ADARB2: variants seen among roughly 807,000 people sequenced by gnomAD.
The protein encoded by ADARB2 is adenosine deaminase RNA specific B2 (inactive).
Under a neutral mutation model 62.2 loss-of-function variants are expected in ADARB2, and 25 were observed. That is an observed-to-expected ratio of 0.40 (90% confidence interval 0.29 to 0.56). ADARB2 has a LOEUF of 0.56. ADARB2 is among the 20% of genes least tolerant of loss of function. The probability of loss-of-function intolerance (pLI) is 0.43; values close to 1 mark genes in which losing one functional copy is unlikely to be tolerated. For synonymous variants in ADARB2, 572 were observed against 500.8 expected, an observed-to-expected ratio of 1.14 and a Z score of -1.90; for missense variants, 1,071 against 1,077.4, an observed-to-expected ratio of 0.99 and a Z score of 0.08.
chr10:1,640,546 GC>G (rs1243867381), intron 1 of ADARB2, among the ~76,000 whole-genome samples: 18 of 152,108 alleles, frequency 1.2e-4, no homozygotes, highest in African/African-American at 4.1e-4. Context: ...AATGGCGGAT[GC>G]TCTAAACTAA....
intron 7 of ADARB2, among the ~76,000 whole-genome samples, chr10:1,213,705 T>C (rs1279076298): frequency 2.6e-5 from 4 of 152,230 alleles, no homozygotes; most frequent in Non-Finnish European, 5.9e-5. Flanking sequence ...AAAAGGAGTC[T>C]AGAATCACCC....
chr10:1,501,806 C>CT (rs572918181), intron 1 of ADARB2, among the ~76,000 whole-genome samples: 1 of 152,114 alleles, frequency 6.6e-6, no homozygotes, highest in Non-Finnish European at 1.5e-5. Context: ...AAACAGAATT[C>CT]TTTTTTTATT....
At chr10:1,553,137 C>T (rs1251388825) in intron 1 of ADARB2, among the ~76,000 whole-genome samples, 1 of 152,216 alleles carries the variant, frequency 6.6e-6, no homozygotes, top group African/African-American at 2.4e-5. Flanking sequence ...TGCTACCAGA[C>T]ACCAGGTGGC....
chr10:1,200,372 C>G (rs1309261849), intron 7 of ADARB2: 1 of 590,556 alleles, frequency 1.7e-6, no homozygotes, highest in South Asian at 2.2e-5. Flanking sequence ...CTAACAAATG[C>G]TGCTCTCTTT....
intron 1 of ADARB2, among the ~76,000 whole-genome samples, chr10:1,409,338 G>T (rs190969601): frequency 2.3e-3 from 356 of 152,284 alleles, no homozygotes; most frequent in African/African-American, 8.3e-3. Context: ...GCCAAACAGA[G>T]AATTTTTCTC....
intron 1 of ADARB2, among the ~76,000 whole-genome samples, chr10:1,727,823 A>G (rs1434302171): frequency 1.3e-5 from 2 of 152,178 alleles, no homozygotes; most frequent in Non-Finnish European, 2.9e-5. Flanking sequence ...TGCTCATGTC[A>G]TTGTGATGCC....
At chr10:1,526,240 G>C (rs534710227) in intron 1 of ADARB2, among the ~76,000 whole-genome samples, 3 of 152,090 alleles carry the variant, frequency 2.0e-5, no homozygotes, top group Admixed American at 1.3e-4. Context: ...GGCAGGTGGG[G>C]CAGATGGGGC....
In ADARB2 at chr10:1,331,155, C is replaced by T. The variant is rs4529830; in HGVS notation, c.1077+31873G>A. On this transcript the variant is annotated intron_variant, in intron 3 of 9. Transcript: ENST00000381312. ...GACAAGGATGTGGAGAAATTGGAAC[C>T]CTCATACATTTCTGATGGGATTCAA... Among the ~76,000 whole-genome samples the T allele has an allele frequency of 2.8e-3, 425 of 152,212 alleles. 2 individuals carry two copies. Among genetic ancestry groups the T allele is most frequent in the African/African-American group, 8.9e-3 (371 of 41,532 alleles).
At chr10:1,302,446 G>A (rs924051456) in intron 3 of ADARB2, among the ~76,000 whole-genome samples, 3 of 152,218 alleles carry the variant, frequency 2.0e-5, no homozygotes, top group African/African-American at 7.2e-5. Flanking sequence ...CAGCGAGCCT[G>A]GGGGAGGGGC....
chr10:1,266,844 A>C (rs1269787381), intron 4 of ADARB2, among the ~76,000 whole-genome samples: 1 of 152,200 alleles, frequency 6.6e-6, no homozygotes, highest in Non-Finnish European at 1.5e-5. Flanking sequence ...AAAAGGAAGA[A>C]TGGAGGATAA....
chr10:1,186,580 C>T (rs895393807), intron 8 of ADARB2: 2 of 518,802 alleles, frequency 3.9e-6, no homozygotes, highest in Non-Finnish European at 7.7e-6. Flanking sequence ...TCTGCCTCTC[C>T]AGCCCTTCCT....
At chr10:1,342,082 G>A (rs1832035086) in intron 3 of ADARB2, among the ~76,000 whole-genome samples, 1 of 152,216 alleles carries the variant, frequency 6.6e-6, no homozygotes, top group African/African-American at 2.4e-5. Context: ...AGCTGTGCAG[G>A]AATGTGTGGT....
intron 1 of ADARB2, among the ~76,000 whole-genome samples, chr10:1,544,567 G>C (rs1298085019): frequency 6.6e-6 from 1 of 152,176 alleles, no homozygotes; most frequent in Admixed American, 6.5e-5. Context: ...GCCGGGCACA[G>C]CAGGTGGTGG....
intron 7 of ADARB2, among the ~76,000 whole-genome samples, chr10:1,214,354 G>T (rs1299010185): frequency 6.8e-6 from 1 of 147,826 alleles, no homozygotes; most frequent in African/African-American, 2.5e-5. Context: ...GGACCTGCCG[G>T]CGTCGCATGG....
At chr10:1,688,331 T>G (rs1202976799) in intron 1 of ADARB2, among the ~76,000 whole-genome samples, 1 of 152,194 alleles carries the variant, frequency 6.6e-6, no homozygotes, top group East Asian at 1.9e-4. Context: ...TGGGCAGAGT[T>G]GGGGACATCC....
intron 1 of ADARB2, among the ~76,000 whole-genome samples, chr10:1,553,768 A>C (rs1832662381): frequency 6.6e-6 from 1 of 152,172 alleles, no homozygotes. Flanking sequence ...GGCAGAAGAC[A>C]CTTGTGCTCT....
intron 1 of ADARB2, among the ~76,000 whole-genome samples, chr10:1,525,386 A>C (rs1319286109): frequency 6.6e-6 from 1 of 152,214 alleles, no homozygotes; most frequent in South Asian, 2.1e-4. Flanking sequence ...CTAAAATCTG[A>C]AAACATTTAT....
intron 8 of ADARB2, among the ~76,000 whole-genome samples, chr10:1,199,003 C>G (rs961814894): frequency 7.9e-5 from 12 of 152,212 alleles, no homozygotes; most frequent in African/African-American, 2.9e-4. Flanking sequence ...CTAAGGAAAA[C>G]GCGCAGAAAA....
rs191870822 is a variant in ADARB2 at position 1,559,952 on chromosome 10, G to A, written c.100+177099C>T. The stretch of plus-strand genomic sequence containing the variant: ...GCTTCTGATTGTTAAAGAACCCTGG[G>A]CTCCGCATCAGATCTGAGTGAGGAA... On this transcript the variant is annotated intron_variant, in intron 1 of 9. Transcript: ENST00000381312. Among the ~76,000 whole-genome samples, 118 of 152,298 alleles carry A rather than the reference G, an allele frequency of 7.7e-4. 1 individual carries two copies. Among genetic ancestry groups the A allele is most frequent in the Admixed American group, 7.7e-3 (118 of 15,304 alleles).
Sources: allele counts gnomAD v4.1 joint callset (sites outside exome capture counted in the v4.1 genomes callset), GRCh38; gene constraint gnomAD v4.1.1; transcripts MANE v1.5; gene names NCBI Gene and HGNC (gene_info 2026-07-23, HGNC 2026-07-21).